SLC1A3: variants seen among roughly 807,000 people sequenced by gnomAD.
SLC1A3 encodes the protein solute carrier family 1 member 3.
SLC1A3 carries 21 observed loss-of-function variants against 48.1 expected under a neutral mutation model. The ratio of observed to expected loss-of-function variants is 0.44; its 90% confidence interval spans 0.31 to 0.63. SLC1A3 has a LOEUF of 0.63. SLC1A3 is among the 20% of genes least tolerant of loss of function. The pLI, the probability that SLC1A3 is intolerant of heterozygous loss-of-function variation, is 0.08. For synonymous variants in SLC1A3, 239 were observed against 251.4 expected, an observed-to-expected ratio of 0.95 and a Z score of 0.47; for missense variants, 546 against 689.0, an observed-to-expected ratio of 0.79 and a Z score of 2.32.
intron 3 of SLC1A3, among the ~76,000 whole-genome samples, chr5:36,648,023 T>G (rs1740903936): frequency 6.6e-6 from 1 of 152,220 alleles, no homozygotes; most frequent in South Asian, 2.1e-4. Flanking sequence ...CTGCATTTCT[T>G]TCATCACTGA....
intron 3 of SLC1A3, among the ~76,000 whole-genome samples, chr5:36,632,000 G>A (rs1290371398): frequency 2.0e-5 from 3 of 152,242 alleles, no homozygotes; most frequent in Non-Finnish European, 4.4e-5. Flanking sequence ...GCCTCCAGTG[G>A]CCACGTGGGT....
chr5:36,685,402 G>C (rs1742603482), intron 9 of SLC1A3, among the ~76,000 whole-genome samples: 1 of 152,128 alleles, frequency 6.6e-6, no homozygotes, highest in African/African-American at 2.4e-5. Flanking sequence ...TCAGCCTCCT[G>C]AGTAGCTGGG....
At chr5:36,607,128 G>A (rs552811744) in intron 1 of SLC1A3, 2 of 152,008 alleles carry the variant, frequency 1.3e-5, no homozygotes, top group South Asian at 4.1e-4. Flanking sequence ...AAACAAATTA[G>A]AAGTCTTAGT....
intron 4 of SLC1A3, among the ~76,000 whole-genome samples, chr5:36,671,872 C>T (rs1424496791): frequency 2.0e-5 from 3 of 152,160 alleles, no homozygotes; most frequent in Admixed American, 6.5e-5. Context: ...ATAGAGTCAG[C>T]CTTATGTAGA....
chr5:36,637,778 G>A (rs749329323), intron 3 of SLC1A3, among the ~76,000 whole-genome samples: 13 of 152,138 alleles, frequency 8.5e-5, no homozygotes, highest in Non-Finnish European at 1.9e-4. Flanking sequence ...CACTGTCTTA[G>A]GCTCTTCTAA....
chr5:36,671,205 G>C lies in SLC1A3; in HGVS notation c.496G>C (p.Ala166Pro). The C allele has an allele frequency of 6.2e-7, 1 of 1,613,618 alleles. No homozygotes were observed. Among genetic ancestry groups the C allele is most frequent in the Non-Finnish European group, 8.5e-7 (1 of 1,179,616 alleles). ...AGAAGGCAAAATTGTACGAGTGACA[G>C]CTGCAGATGCCTTCCTGGACTTGAT... The part of the protein sequence containing the change: ...HREGKIVRVT[A>P]ADAFLDLIRN... The change falls in exon 4 of 10, where the codon GCT becomes CCT. Residue 166 changes from alanine (A) to proline (P), a missense_variant. By Grantham distance (27) the Ala-to-Pro change is conservative (BLOSUM62 -1). Around this residue, in one of 3 missense-constraint regions of SLC1A3, gnomAD observed 348 missense variants for 392.0 expected, o/e 0.89. Transcript: ENST00000265113.
intron 1 of SLC1A3, among the ~76,000 whole-genome samples, chr5:36,598,515 T>A (rs1026136133): frequency 6.6e-6 from 1 of 152,200 alleles, no homozygotes; most frequent in African/African-American, 2.4e-5. Flanking sequence ...TCTATCTTTT[T>A]CCAAAGACTC....
intron 3 of SLC1A3, among the ~76,000 whole-genome samples, chr5:36,658,477 G>A (rs141012485): frequency 5.3e-4 from 81 of 152,302 alleles, no homozygotes; most frequent in African/African-American, 1.9e-3. Flanking sequence ...GATGCATATT[G>A]AGTCTATAGA....
chr5:36,620,381 A>T (rs1739613734), intron 2 of SLC1A3, among the ~76,000 whole-genome samples: 1 of 152,238 alleles, frequency 6.6e-6, no homozygotes, highest in Admixed American at 6.5e-5. Context: ...TAGAAAGCTA[A>T]GCCTATGAGA....
intron 9 of SLC1A3, among the ~76,000 whole-genome samples, chr5:36,685,624 A>C (rs1000000092): frequency 1.2e-4 from 19 of 152,296 alleles, no homozygotes; most frequent in Admixed American, 1.3e-4. Flanking sequence ...ATGTTTTGCA[A>C]GTTTTCTTAA....
intron 5 of SLC1A3, among the ~76,000 whole-genome samples, chr5:36,674,757 C>A (rs1481694418): frequency 6.6e-6 from 1 of 152,128 alleles, no homozygotes; most frequent in African/African-American, 2.4e-5. Context: ...AATTCAAATT[C>A]ATTGTGTTGA....
At chr5:36,667,956 T>A (rs1174857385) in intron 3 of SLC1A3, 3 of 152,218 alleles carry the variant, frequency 2.0e-5, no homozygotes, top group African/African-American at 7.2e-5. Context: ...TGGAATGTGT[T>A]TCTCAAATAT....
intron 3 of SLC1A3, among the ~76,000 whole-genome samples, chr5:36,647,026 G>C (rs1740867745): frequency 6.6e-6 from 1 of 152,122 alleles, no homozygotes; most frequent in Non-Finnish European, 1.5e-5. Context: ...TGGTCCTGTG[G>C]GATGTTTCTC....
chr5:36,630,463 G>T (rs1400187346), intron 3 of SLC1A3: 1 of 152,170 alleles, frequency 6.6e-6, no homozygotes, highest in African/African-American at 2.4e-5. Context: ...GCCCGAGCAG[G>T]ATGATTTCTG....
At chr5:36,674,875 G>C (rs1742141785) in intron 5 of SLC1A3, among the ~76,000 whole-genome samples, 1 of 152,134 alleles carries the variant, frequency 6.6e-6, no homozygotes, top group Non-Finnish European at 1.5e-5. Flanking sequence ...GCTCCTTTTA[G>C]CTCATATACA....
chr5:36,599,095 A>G (rs2111627828), intron 1 of SLC1A3, among the ~76,000 whole-genome samples: 1 of 152,212 alleles, frequency 6.6e-6, no homozygotes, highest in Non-Finnish European at 1.5e-5. Context: ...AATCCTACTA[A>G]CTCTATTCAA....
At chr5:36,606,233 A>G (rs569704359), upstream of SLC1A3, 3 of 152,278 alleles carry the variant, frequency 2.0e-5, no homozygotes, top group Non-Finnish European at 4.4e-5. Context: ...ACCAGGCTAA[A>G]GAGCACACCC....
At chr5:36,624,940 C>T (rs770952817) in intron 2 of SLC1A3, among the ~76,000 whole-genome samples, 5 of 152,138 alleles carry the variant, frequency 3.3e-5, no homozygotes, top group East Asian at 1.9e-4. Flanking sequence ...TTCTCCAGGG[C>T]GTTCACCATG....
At chr5:36,647,838 G>A (rs910633757) in intron 3 of SLC1A3, among the ~76,000 whole-genome samples, 8 of 152,272 alleles carry the variant, frequency 5.3e-5, no homozygotes, top group African/African-American at 1.9e-4. Flanking sequence ...AAAATTATTA[G>A]GCTTTAAAAG....
Sources: allele counts gnomAD v4.1 joint callset (sites outside exome capture counted in the v4.1 genomes callset), GRCh38; gene constraint gnomAD v4.1.1; regional missense constraint gnomAD v4.1.1; transcripts MANE v1.5; gene names NCBI Gene and HGNC (gene_info 2026-07-23, HGNC 2026-07-21).